The following EIF4A1 variants were observed in gnomAD, a reference collection of about 807,000 sequenced individuals.
EIF4A1 encodes the protein eukaryotic translation initiation factor 4A1.
EIF4A1 carries 11 observed loss-of-function variants against 53.5 expected under a neutral mutation model. The observed-to-expected ratio is 0.21, with a 90% CI of 0.13 to 0.34. EIF4A1 has a LOEUF of 0.34. Among genes scored for constraint, EIF4A1 ranks in the 10% least tolerant of loss-of-function variants. The pLI, the probability that EIF4A1 is intolerant of heterozygous loss-of-function variation, is 1.00. For missense variants in EIF4A1, 213 were observed against 530.8 expected, an observed-to-expected ratio of 0.40 and a Z score of 5.88; for synonymous variants, 237 against 186.7, an observed-to-expected ratio of 1.27 and a Z score of -2.20.
At chr17:7,574,365 A>T (rs2071371346) in intron 2 of EIF4A1, 57 bp downstream of exon 2, 3 of 1,612,840 alleles carry the variant, frequency 1.9e-6, no homozygotes, top group Non-Finnish European at 2.5e-6. Flanking sequence ...AGCCGTATAG[A>T]GTTAGAGTGG....
intron 3 of EIF4A1, chr17:7,574,910 T>C: frequency 9.8e-7 from 1 of 1,021,514 alleles, no homozygotes; most frequent in South Asian, 1.3e-5. Context: ...ATGTTTCTAG[T>C]CCAGCTTGGT....
chr17:7,572,879 T>C lies in EIF4A1; in HGVS notation c.23+15T>C, dbSNP rs371175959. On this transcript the variant is annotated intron_variant, in intron 1 of 10. Coordinates refer to ENST00000293831, the MANE Select transcript of EIF4A1 (RefSeq NM_001416.4). ...CAGGATTCCCGGTAAGAAAGGCATT[T>C]GCAAGAGATTGTGGCTGCTTATTTT... 8.1e-5 allele frequency: 130 copies of C among 1,614,008 alleles called. No homozygotes were observed. The highest frequency in any genetic ancestry group is 1.1e-4 in the Non-Finnish European group (129 of 1,179,982).
chr17:7,576,296 T>A (rs2071400930), intron 4 of EIF4A1: 1 of 430,396 alleles, frequency 2.3e-6, no homozygotes, highest in African/African-American at 2.0e-5. Flanking sequence ...TCATTGTGAA[T>A]CACTGTACAC....
Position 7,575,237 on chromosome 17 carries a change from C to G in EIF4A1, c.324C>G (p.Pro108=), listed in dbSNP as rs775558520. The G allele has an allele frequency of 1.7e-5, 27 of 1,613,908 alleles. No homozygotes were observed. The highest frequency in any genetic ancestry group is 2.1e-5 in the Non-Finnish European group (25 of 1,180,046). Residue 108 remains proline (P), a synonymous_variant, in exon 4 of 11, where the codon CCC becomes CCG. Coordinates refer to ENST00000293831, the MANE Select transcript of EIF4A1 (RefSeq NM_001416.4). The part of the protein sequence containing the change: ...LKATQALVLA[P]TRELAQQIQK... ...CCACCCAGGCCTTGGTCCTAGCACC[C>G]ACTCGAGAATTGGCTCAGCAGGTAA...
rs1445225605 is a variant in EIF4A1, at chr17:7,577,047, CT to C, written c.515-7del. ...TATGCTATATATTGGCTTTTTTTTT[CT>C]TCTCTAGCCCCCAAATACATCAAGA... On this transcript the variant is annotated splice_polypyrimidine_tract_variant and splice_region_variant and intron_variant, in intron 5 of 10. Transcript: ENST00000293831. This position sits in a 1 kb window ranked among gnomAD's most constrained non-coding sequence, Gnocchi z 4.7. 1 of 1,610,094 alleles carries C rather than the reference CT, an allele frequency of 6.2e-7. No homozygotes were observed. Among genetic ancestry groups the C allele is most frequent in the Non-Finnish European group, 8.5e-7 (1 of 1,178,618 alleles).
Position 7,577,062 on chromosome 17 carries a change from A to C in EIF4A1, c.521A>C (p.Lys174Thr). ...DMLNRRYLSP[K>T]YIKMFVLDEA... ...CTTTTTTTTTCTTCTCTAGCCCCCA[A>C]ATACATCAAGATGTTTGTACTGGAT... Residue 174 changes from lysine to threonine, a missense_variant, in exon 6 of 11, where the codon AAA becomes ACA. Physicochemically the swap from Lys to Thr is moderately conservative, Grantham distance 78. This residue lies in a region of EIF4A1 where 119 missense variants were observed against 351.0 expected (regional missense o/e 0.34). Coordinates refer to ENST00000293831, the MANE Select transcript of EIF4A1 (RefSeq NM_001416.4). The surrounding 1 kb of genome is among the most constrained non-coding windows in gnomAD (Gnocchi z 4.7). 1 of 1,614,070 alleles carries C rather than the reference A, an allele frequency of 6.2e-7. No individual in the cohort carries two copies. Among genetic ancestry groups the C allele is most frequent in the Non-Finnish European group, 8.5e-7 (1 of 1,180,008 alleles).
In EIF4A1 at chr17:7,577,555, C is replaced by T. The variant is rs1243999898; in HGVS notation, c.769-14C>T. The T allele has an allele frequency of 2.5e-6, 4 of 1,612,156 alleles. No homozygotes were observed. The highest frequency in any genetic ancestry group is 3.3e-4 in the Middle Eastern group (2 of 6,046). On this transcript the variant is annotated splice_polypyrimidine_tract_variant and intron_variant, in intron 7 of 10. Coordinates refer to ENST00000293831, the MANE Select transcript of EIF4A1 (RefSeq NM_001416.4). The surrounding 1 kb of genome is among the most constrained non-coding windows in gnomAD (Gnocchi z 4.7). Reference sequence around the variant, plus strand: ...GGTATAGCCCCTGACTGATTTTTGTCCCCCAACCTCCAGGAGTGGAAGCTG... The same window carrying T: ...GGTATAGCCCCTGACTGATTTTTGTTCCCCAACCTCCAGGAGTGGAAGCTG...
rs1406896419 is a variant in EIF4A1 at position 7,578,467 on chromosome 17, A to G, written c.1202A>G (p.Asn401Ser). 8 of 1,609,126 alleles carry G rather than the reference A, an allele frequency of 5.0e-6. No individual in the cohort carries two copies. Among genetic ancestry groups the G allele is most frequent in the Non-Finnish European group, 5.9e-6 (7 of 1,177,096 alleles). Residue 401 changes from asparagine (N) to serine (S), a missense_variant, in exon 11 of 11, where the codon AAT (asparagine) becomes AGT (serine). Physicochemically the swap from Asn to Ser is conservative, Grantham distance 46. Around this residue, in one of 4 missense-constraint regions of EIF4A1, gnomAD observed 28 missense variants for 42.5 expected, o/e 0.66. Transcript: ENST00000293831. ...YNTSIEEMPL[N>S]VADLI ...ACCTCCATTGAGGAAATGCCCCTCA[A>G]TGTTGCTGACCTCATCTGAGGGGCT...
At chr17:7,574,746 G>T (rs937888940) in intron 3 of EIF4A1, 68 bp downstream of exon 3, 22 of 1,603,508 alleles carry the variant, frequency 1.4e-5, no homozygotes, top group Non-Finnish European at 1.9e-5. Flanking sequence ...CATCTGGTTG[G>T]TGATGCCCAT....
At chr17:7,576,462 T>C in intron 4 of EIF4A1, 62 bp from the exon 5 acceptor site, 1 of 1,479,918 alleles carries the variant, frequency 6.8e-7, no homozygotes, top group Non-Finnish European at 9.0e-7. Flanking sequence ...ATGAAAAACA[T>C]TTAAGAATGG....
chr17:7,575,171 T>C lies in EIF4A1; in HGVS notation c.258T>C (p.Phe86=). ...CTGGGACTGGGAAAACGGCCACATT[T>C]GCCATATCGATTCTGCAGCAGATTG... ...AQSGTGKTAT[F]AISILQQIEL... Residue 86 remains phenylalanine, a synonymous_variant, in exon 4 of 11, where the codon TTT becomes TTC. Transcript: ENST00000293831. 7.4e-6 allele frequency: 12 copies of C among 1,612,826 alleles called. No individual in the cohort carries two copies. Among genetic ancestry groups the C allele is most frequent in the Non-Finnish European group, 9.3e-6 (11 of 1,180,018 alleles).
In EIF4A1 at chr17:7,575,201, A is replaced by C; in HGVS notation, c.288A>C (p.Leu96Phe). Residue 96 changes from leucine to phenylalanine, a missense_variant, in exon 4 of 11, where the codon TTA becomes TTC. Physicochemically the swap from Leu to Phe is conservative, Grantham distance 22 (BLOSUM62 0). Transcript: ENST00000293831. ...FAISILQQIELDLKATQALVL... is the reference protein window; with the variant it reads ...FAISILQQIEFDLKATQALVL... ...TATCGATTCTGCAGCAGATTGAATT[A>C]GATCTAAAAGCCACCCAGGCCTTGG... 1 of 1,613,586 alleles carries C rather than the reference A, an allele frequency of 6.2e-7. No homozygotes were observed. The highest frequency in any genetic ancestry group is 8.5e-7 in the Non-Finnish European group (1 of 1,180,046).
At position 7,575,274 on chromosome 17, in the gene EIF4A1, A is replaced by T. The variant is rs774481348; in HGVS notation, c.345+16A>T. ...GGCTCAGCAGGTAAGAGTGGCTTCT[A>T]TTCCCTCCTTCAGGGCTGATTTAGG... On this transcript the variant is annotated intron_variant, in intron 4 of 10. Coordinates refer to ENST00000293831, the MANE Select transcript of EIF4A1 (RefSeq NM_001416.4). 6.2e-7 allele frequency: 1 copy of T among 1,613,798 alleles called. No individual in the cohort carries two copies. The highest frequency in any genetic ancestry group is 1.1e-5 in the South Asian group (1 of 91,084).
rs1469305239 is a variant in EIF4A1 at position 7,574,379 on chromosome 17, CTTGA to C, written c.72+78_72+81del. ...CAGCCGTATAGAGTTAGAGTGGCCT[CTTGA>C]TTGATTTCCCAGATCATCTAGAAGC... On this transcript the variant is annotated intron_variant, in intron 2 of 10. Transcript: ENST00000293831. 1.7e-5 allele frequency: 27 copies of C among 1,610,868 alleles called. No individual in the cohort carries two copies. In the East Asian group the frequency reaches 1.8e-4, roughly 11 times the overall value.
chr17:7,574,119 A>G lies in EIF4A1; in HGVS notation c.24-141A>G, dbSNP rs913972437. 6 of 936,686 alleles carry G rather than the reference A, an allele frequency of 6.4e-6. 1 individual carries two copies. The South Asian group carries it at 7.6e-5, about 12-fold the overall frequency. The allele number at this position is 936,686 out of a possible 1,614,324, so 58.0% of individuals were successfully genotyped here. ...TTTTATAGAAACTCCTCCTTTGGGTATTTTTTGGGAGCTGGTGGGAGTTGG... is the reference window on the plus strand; with the variant it reads ...TTTTATAGAAACTCCTCCTTTGGGTGTTTTTTGGGAGCTGGTGGGAGTTGG... On this transcript the variant is annotated intron_variant, in intron 1 of 10. Coordinates refer to ENST00000293831, the MANE Select transcript of EIF4A1 (RefSeq NM_001416.4).
chr17:7,578,066 TCTGC>T, intron 9 of EIF4A1, 95 bp from the exon 10 acceptor site: 1 of 1,585,508 alleles, frequency 6.3e-7, no homozygotes, highest in South Asian at 1.1e-5. Flanking sequence ...GCTTATTTCC[TCTGC>T]CTTCCTTGGC....
chr17:7,572,926 C>T (rs374805158), intron 1 of EIF4A1, 62 bp downstream of exon 1: 2 of 1,613,958 alleles, frequency 1.2e-6, no homozygotes, highest in South Asian at 1.1e-5. Context: ...CCGACGGGCC[C>T]GCCGGGGGTA....
rs552869025 is a variant in EIF4A1 at position 7,576,447 on chromosome 17, A to T, written c.346-77A>T. The T allele has an allele frequency of 1.7e-3, 2,527 of 1,477,564 alleles. 5 individuals are homozygous for T. Among genetic ancestry groups the T allele is most frequent in the Non-Finnish European group, 2.1e-3 (2,374 of 1,113,238 alleles). The allele number at this position is 1,477,564 out of a possible 1,614,324, so 91.5% of individuals were successfully genotyped here. A position where few individuals can be genotyped will look rare whatever the true frequency, so the allele number is the denominator to read the frequency against. ...GCCCCAAAGTTGTTGGTTAGGAATC[A>T]ATACATGAAAAACATTTAAGAATGG... On this transcript the variant is annotated intron_variant, in intron 4 of 10. Transcript: ENST00000293831.
chr17:7,575,727 GATT>G (rs1048764568), intron 4 of EIF4A1: 157 of 283,242 alleles, frequency 5.5e-4, no homozygotes, highest in African/African-American at 3.0e-3. Context: ...CAGGGGCAGT[GATT>G]ATTCTGGGTG....
Sources: allele counts gnomAD v4.1 joint callset, GRCh38; gene constraint gnomAD v4.1.1; regional missense constraint gnomAD v4.1.1; non-coding constraint Gnocchi (gnomAD v3.1); transcripts MANE v1.5; gene names NCBI Gene and HGNC (gene_info 2026-07-23, HGNC 2026-07-21).